MUSK: variants seen among roughly 807,000 people sequenced by gnomAD.
MUSK encodes the protein muscle, skeletal receptor tyrosine-protein kinase.
In MUSK, 55 loss-of-function variants were observed where a neutral mutation model predicts 88.7. That is an observed-to-expected ratio of 0.62 (90% CI 0.50 to 0.78). The LOEUF (loss-of-function observed/expected upper bound fraction) is 0.78. Ranked by LOEUF, MUSK falls within the 30% of genes least tolerant of loss-of-function variation. The probability of loss-of-function intolerance (pLI) is 0.00; values close to 1 mark genes in which losing one functional copy is unlikely to be tolerated. For missense variants in MUSK, 1,015 were observed against 1,074.3 expected, an observed-to-expected ratio of 0.94 and a Z score of 0.77; for synonymous variants, 387 against 391.9, an observed-to-expected ratio of 0.99 and a Z score of 0.15.
At chr9:110,684,048 T>A (rs1375999451) in intron 2 of MUSK, among the ~76,000 whole-genome samples, 1 of 152,082 alleles carries the variant, frequency 6.6e-6, no homozygotes, top group East Asian at 1.9e-4. Flanking sequence ...CTCAAGAAAT[T>A]TTTCCCCAGA....
chr9:110,702,103 C>A (rs2076536241), intron 5 of MUSK, among the ~76,000 whole-genome samples: 1 of 151,316 alleles, frequency 6.6e-6, no homozygotes, highest in African/African-American at 2.4e-5. Context: ...GGATTAAACA[C>A]TATAGCTCCA....
chr9:110,797,431 T>C (rs1564298155), intron 14 of MUSK, among the ~76,000 whole-genome samples: 2 of 151,938 alleles, frequency 1.3e-5, no homozygotes, highest in Admixed American at 6.6e-5. Context: ...TACAAATGTA[T>C]GGAATGACAA....
At chr9:110,756,357 G>C (rs1352164447) in intron 7 of MUSK, among the ~76,000 whole-genome samples, 1 of 151,690 alleles carries the variant, frequency 6.6e-6, no homozygotes, top group Non-Finnish European at 1.5e-5. Flanking sequence ...ACCTGCAATT[G>C]CTTATGACTG....
intron 6 of MUSK, among the ~76,000 whole-genome samples, chr9:110,740,458 A>G (rs1028102000): frequency 2.0e-5 from 3 of 152,146 alleles, no homozygotes; most frequent in South Asian, 2.1e-4. Flanking sequence ...CAAAAATCCC[A>G]GAGTGTTTTT....
intron 7 of MUSK, among the ~76,000 whole-genome samples, chr9:110,758,212 C>A (rs999311205): frequency 6.6e-6 from 1 of 152,162 alleles, no homozygotes; most frequent in Non-Finnish European, 1.5e-5. Context: ...GATCCTCCTG[C>A]CTGGGTCTCC....
Position 110,803,511 on chromosome 9 carries a change from A to G in MUSK, c.*2523A>G, listed in dbSNP as rs537523443. Among the ~76,000 whole-genome samples the G allele has an allele frequency of 6.6e-6, 1 of 152,350 alleles. No homozygotes were observed. The highest frequency in any genetic ancestry group is 1.9e-4 in the East Asian group (1 of 5,182). On this transcript the variant is annotated 3_prime_UTR_variant, in exon 15 of 15. Coordinates refer to ENST00000374448, the MANE Select transcript of MUSK (RefSeq NM_005592.4). Reference sequence around the variant, plus strand: ...CCACTATACTGTAGAGCCTCTGTACATGATAGAAGCAATAACTGAACCTCA... The same window carrying G: ...CCACTATACTGTAGAGCCTCTGTACGTGATAGAAGCAATAACTGAACCTCA...
At chr9:110,676,018 G>A (rs996351467) in intron 1 of MUSK, among the ~76,000 whole-genome samples, 1 of 151,648 alleles carries the variant, frequency 6.6e-6, no homozygotes, top group Non-Finnish European at 1.5e-5. Context: ...TCATTCATTC[G>A]TTGTTTAGAA....
chr9:110,721,268 G>T (rs192399769), intron 5 of MUSK, among the ~76,000 whole-genome samples: 3 of 151,960 alleles, frequency 2.0e-5, no homozygotes, highest in African/African-American at 7.3e-5. Flanking sequence ...AGAAATAAAG[G>T]GCATCCAAAT....
At chr9:110,772,404 AT>A (rs926560015) in intron 9 of MUSK, among the ~76,000 whole-genome samples, 9 of 151,700 alleles carry the variant, frequency 5.9e-5, no homozygotes, top group South Asian at 2.1e-4. Context: ...ATACATTTAA[AT>A]TTTTTTTCTA....
intron 3 of MUSK, among the ~76,000 whole-genome samples, chr9:110,694,784 G>A (rs879074642): frequency 6.6e-6 from 1 of 151,972 alleles, no homozygotes; most frequent in Non-Finnish European, 1.5e-5. Context: ...AAATTAACTG[G>A]CATAAACTAT....
chr9:110,690,152 AAG>A (rs1311616904), intron 3 of MUSK, among the ~76,000 whole-genome samples: 2 of 106,840 alleles, frequency 1.9e-5, no homozygotes, highest in African/African-American at 7.5e-5. Flanking sequence ...ATATATATTT[AAG>A]TATAAATATA....
At chr9:110,689,960 A>G (rs1403722356) in intron 3 of MUSK, among the ~76,000 whole-genome samples, 2 of 74,652 alleles carry the variant, frequency 2.7e-5, no homozygotes, top group Non-Finnish European at 4.8e-5. Flanking sequence ...ATATAAATAT[A>G]TATTTATATA....
At chr9:110,732,686 G>A (rs1335642237) in intron 5 of MUSK, among the ~76,000 whole-genome samples, 1 of 151,980 alleles carries the variant, frequency 6.6e-6, no homozygotes, top group Admixed American at 6.6e-5. Flanking sequence ...GCTCAATTTT[G>A]CTTCTGGGGG....
rs2076083568 is a variant in MUSK at position 110,679,750 on chromosome 9, G to T, written c.80-2924G>T. 2.6e-5 allele frequency among the ~76,000 whole-genome samples: 4 copies of T among 151,746 alleles called. 1 individual carries two copies. The South Asian group carries it at 6.2e-4, about 24-fold the overall frequency. ...TTTTTTAGTAGTAACCATTAATAAG[G>T]TTTTAACATAATCATTTAACCATAG... is the stretch of plus-strand genomic sequence containing the variant. On this transcript the variant is annotated intron_variant, in intron 1 of 14. Transcript: ENST00000374448.
At chr9:110,756,978 T>C (rs1186957008) in intron 7 of MUSK, among the ~76,000 whole-genome samples, 2 of 152,082 alleles carry the variant, frequency 1.3e-5, no homozygotes, top group African/African-American at 4.8e-5. Context: ...AATAAATAAA[T>C]ACAAGGGGGT....
rs565665252 is a variant in MUSK, at chr9:110,804,973, A to G, written c.*3985A>G. On this transcript the variant is annotated 3_prime_UTR_variant, in exon 15 of 15. Coordinates refer to ENST00000374448, the MANE Select transcript of MUSK (RefSeq NM_005592.4). ...CTACATTACTTCAAGCCTTGCTTTT[A>G]TCACTTAATATATCTTAAACATCTT... Among the ~76,000 whole-genome samples the G allele has an allele frequency of 1.3e-5, 2 of 152,088 alleles. No individual in the cohort carries two copies. The highest frequency in any genetic ancestry group is 3.9e-4 in the East Asian group (2 of 5,184).
chr9:110,678,255 A>T (rs2076055777), intron 1 of MUSK, among the ~76,000 whole-genome samples: 2 of 151,842 alleles, frequency 1.3e-5, no homozygotes, highest in Non-Finnish European at 2.9e-5. Context: ...GGGACTACAG[A>T]TGTGTGCCAC....
intron 5 of MUSK, among the ~76,000 whole-genome samples, chr9:110,716,191 G>T (rs1392130645): frequency 6.7e-6 from 1 of 149,876 alleles, no homozygotes; most frequent in Non-Finnish European, 1.5e-5. Context: ...AGAAATAATG[G>T]CAAAAACTGC....
intron 11 of MUSK, among the ~76,000 whole-genome samples, chr9:110,784,321 T>C (rs1380936971): frequency 6.6e-6 from 1 of 152,142 alleles, no homozygotes; most frequent in African/African-American, 2.4e-5. Flanking sequence ...GCCTTTTAAA[T>C]TGAAGTTTGA....
Sources: allele counts gnomAD v4.1 joint callset (sites outside exome capture counted in the v4.1 genomes callset), GRCh38; gene constraint gnomAD v4.1.1; transcripts MANE v1.5; gene names NCBI Gene and HGNC (gene_info 2026-07-23, HGNC 2026-07-21).